FAHD1: variants seen among roughly 807,000 people sequenced by gnomAD.
The protein encoded by FAHD1 is FAH domain containing oxaloacetate decarboxylase 1, also known as oxaloacetate tautomerase FAHD1, mitochondrial.
In FAHD1, 14 loss-of-function variants were observed where a neutral mutation model predicts 12.7. That is an observed-to-expected ratio of 1.10 (90% CI 0.73 to 1.72). FAHD1 has a LOEUF of 1.72. Among genes scored for constraint, FAHD1 ranks in the 40% most tolerant of loss-of-function variants. FAHD1 has a pLI of 0.00. For synonymous variants in FAHD1, 153 were observed against 124.9 expected (o/e 1.22, Z -1.50); for missense variants, 351 against 298.9 (o/e 1.17, Z -1.29).
At chr16:1,836,892 A>G (rs369142456) in intron 1 of FAHD1, among the ~76,000 whole-genome samples, 1 of 152,210 alleles carries the variant, frequency 6.6e-6, no homozygotes, top group Non-Finnish European at 1.5e-5. Context: ...TACAGCAAGT[A>G]TCAGTAGATA....
chr16:1,830,758 C>T (rs550458064), downstream of FAHD1, among the ~76,000 whole-genome samples: 1 of 152,188 alleles, frequency 6.6e-6, no homozygotes, highest in Non-Finnish European at 1.5e-5. Context: ...ACATTTAAAC[C>T]TATGAAAAAG....
chr16:1,828,582 C>T (rs1367716975), exon 1 of FAHD1: 1 of 999,892 alleles, frequency 1.0e-6, no homozygotes, highest in South Asian at 4.7e-5. Context: ...CGTTGTTTAC[C>T]AAATTTTCTT....
intron 1 of FAHD1, among the ~76,000 whole-genome samples, chr16:1,836,636 A>C (rs1012855964): frequency 1.3e-5 from 2 of 151,908 alleles, no homozygotes; most frequent in African/African-American, 4.8e-5. Context: ...CCATGTCTGC[A>C]AACTATTCAG....
downstream of FAHD1, among the ~76,000 whole-genome samples, chr16:1,829,264 G>A (rs530656856): frequency 6.6e-6 from 1 of 152,308 alleles, no homozygotes; most frequent in East Asian, 1.9e-4. Context: ...ATCTGATTGA[G>A]TAGTAACGGT....
downstream of FAHD1, among the ~76,000 whole-genome samples, chr16:1,830,944 A>ACACACACACACACACCCCCCACCCACC (rs57025691): frequency 7.5e-5 from 11 of 147,308 alleles, no homozygotes; most frequent in South Asian, 6.6e-4. Flanking sequence ...ACACACACAC[A>ACACACACACACACACCCCCCACCCACC]CCCATATTTT....
downstream of FAHD1, chr16:1,828,934 TC>T (rs1898571012): frequency 1.0e-6 from 1 of 999,150 alleles, no homozygotes. Context: ...GTAATTTTTT[TC>T]CCCCCAGTAA....
downstream of FAHD1, among the ~76,000 whole-genome samples, chr16:1,832,870 G>T (rs1898648931): frequency 6.6e-6 from 1 of 152,146 alleles, no homozygotes; most frequent in African/African-American, 2.4e-5. Context: ...ACTAGGTCAA[G>T]TCGTTCATTA....
chr16:1,834,154 G>A, intron 1 of FAHD1: 2 of 677,702 alleles, frequency 3.0e-6, no homozygotes, highest in Non-Finnish European at 5.1e-6. Context: ...TTCACCACAT[G>A]TAAACAAAAT....
At chr16:1,832,296 G>T (rs1456294602), downstream of FAHD1, among the ~76,000 whole-genome samples, 1 of 146,318 alleles carries the variant, frequency 6.8e-6, no homozygotes, top group Admixed American at 6.9e-5. Flanking sequence ...TCAGCCTCCC[G>T]AGTAGCTGGG....
chr16:1,834,338 C>A, intron 1 of FAHD1: 1 of 1,611,348 alleles, frequency 6.2e-7, no homozygotes, highest in Non-Finnish European at 8.5e-7. Context: ...AATTTTCAAT[C>A]CACTCCTTGC....
downstream of FAHD1, among the ~76,000 whole-genome samples, chr16:1,833,222 C>T (rs901911197): frequency 6.6e-6 from 1 of 152,164 alleles, no homozygotes; most frequent in Non-Finnish European, 1.5e-5. Context: ...GATAAAGTGG[C>T]AGCTGTCGTC....
At chr16:1,837,511 G>A (rs1171830994) in intron 1 of FAHD1, among the ~76,000 whole-genome samples, 1 of 152,090 alleles carries the variant, frequency 6.6e-6, no homozygotes, top group African/African-American at 2.4e-5. Flanking sequence ...CATCAGCTCT[G>A]ATTTTAAAGC....
At chr16:1,831,428 A>G (rs1462018236), downstream of FAHD1, among the ~76,000 whole-genome samples, 1 of 152,178 alleles carries the variant, frequency 6.6e-6, no homozygotes, top group Non-Finnish European at 1.5e-5. Context: ...TGGTGAACCC[A>G]AGGGGAAGCT....
chr16:1,827,254 C>T (rs1898489490), exon 1 of FAHD1: 2 of 1,610,648 alleles, frequency 1.2e-6, no homozygotes, highest in Non-Finnish European at 1.7e-6. Flanking sequence ...AGCATCCAGG[C>T]CATTGTCCCG....
downstream of FAHD1, among the ~76,000 whole-genome samples, chr16:1,830,917 T>TACATACACACACACAC (rs1555470128): frequency 4.4e-5 from 5 of 114,776 alleles, no homozygotes; most frequent in African/African-American, 1.4e-4. Context: ...TCTCTCTCTA[T>TACATACACACACACAC]ACACACACAC....
chr16:1,836,470 C>T (rs900416790), intron 1 of FAHD1, among the ~76,000 whole-genome samples: 1 of 152,144 alleles, frequency 6.6e-6, no homozygotes. Context: ...GGTCAAGGAC[C>T]TAAGCATGCC....
chr16:1,839,162 C>A, intron 2 of FAHD1: 1 of 1,391,602 alleles, frequency 7.2e-7, no homozygotes, highest in Non-Finnish European at 9.5e-7. Context: ...GAATCAATTT[C>A]TATCAAATGT....
At chr16:1,836,839 G>A (rs1164708368) in intron 1 of FAHD1, among the ~76,000 whole-genome samples, 1 of 152,208 alleles carries the variant, frequency 6.6e-6, no homozygotes, top group African/African-American at 2.4e-5. Flanking sequence ...AATGGAATGT[G>A]TGCTCTAGAA....
intron 1 of FAHD1, chr16:1,834,392 C>A: frequency 7.8e-7 from 1 of 1,274,188 alleles, no homozygotes; most frequent in Non-Finnish European, 1.1e-6. Context: ...GAAAAAGAGA[C>A]AAAAGGTTAA....
Sources: allele counts gnomAD v4.1 joint callset (sites outside exome capture counted in the v4.1 genomes callset), GRCh38; gene constraint gnomAD v4.1.1; transcripts MANE v1.5; gene names NCBI Gene and HGNC (gene_info 2026-07-23, HGNC 2026-07-21).